The following ZNF14 variants were observed in gnomAD, a reference collection of about 807,000 sequenced individuals.
ZNF14 encodes the protein zinc finger protein 14, also known as gonadotropin inducible transcription repressor-4.
In ZNF14, 9 loss-of-function variants were observed where a neutral mutation model predicts 11.3. That is an observed-to-expected ratio of 0.80 (90% CI 0.48 to 1.39). The LOEUF (loss-of-function observed/expected upper bound fraction) is 1.39, where lower values mean the gene tolerates loss of function less well. Among genes scored for constraint, ZNF14 ranks in the 40% most tolerant of loss-of-function variants. ZNF14 has a pLI of 0.00. For synonymous variants in ZNF14, 239 were observed against 245.7 expected (o/e 0.97, Z 0.25); for missense variants, 711 against 763.9 (o/e 0.93, Z 0.82).
chr19:19,717,873 G>A (rs1039286800), intron 1 of ZNF14, among the ~76,000 whole-genome samples: 2 of 152,156 alleles, frequency 1.3e-5, no homozygotes, highest in Non-Finnish European at 1.5e-5. Flanking sequence ...ATATTGCACT[G>A]TTTCTTTCTG....
Position 19,713,091 on chromosome 19 carries a change from T to C in ZNF14, c.192-2A>G, listed in dbSNP as rs748978545. On this transcript the variant is annotated splice_acceptor_variant, in intron 3 of 3. Coordinates refer to ENST00000344099, the MANE Select transcript of ZNF14 (RefSeq NM_021030.3). LOFTEE classifies it high-confidence loss of function. ...CAGAGTCTCTCAACCATATGACATC[T>C]GTAAAAAATGAATAGCACATTATTA... is the stretch of plus-strand genomic sequence containing the variant. 3.2e-6 allele frequency: 5 copies of C among 1,558,844 alleles called. No individual in the cohort carries two copies. In the South Asian group the frequency reaches 3.6e-5, roughly 11 times the overall value.
At chr19:19,719,237 AC>A (rs2062385775) in intron 1 of ZNF14, among the ~76,000 whole-genome samples, 1 of 152,216 alleles carries the variant, frequency 6.6e-6, no homozygotes, top group Non-Finnish European at 1.5e-5. Context: ...TCACTAGCGT[AC>A]CTGCCTTGAA....
intron 3 of ZNF14, 147 bp downstream of exon 3, chr19:19,713,944 A>G (rs1160217200): frequency 3.5e-5 from 25 of 716,758 alleles, no homozygotes; most frequent in Non-Finnish European, 3.4e-5. Context: ...TATTTTTCAC[A>G]TCCTGAACAT....
intron 2 of ZNF14, 62 bp downstream of exon 2, chr19:19,714,299 A>C: frequency 6.2e-7 from 1 of 1,607,370 alleles, no homozygotes; most frequent in South Asian, 1.1e-5. Flanking sequence ...ACAGCTGTTG[A>C]GCAAGAAACA....
chr19:19,728,013 G>A (rs1393192681), intron 1 of ZNF14, among the ~76,000 whole-genome samples: 1 of 132,994 alleles, frequency 7.5e-6, no homozygotes, highest in South Asian at 2.5e-4. Context: ...CCACTCGGGA[G>A]GCTGAGGCAG....
In ZNF14 at chr19:19,733,107, C is replaced by T; in HGVS notation, c.-149G>A. The T allele has an allele frequency of 3.1e-6, 3 of 963,464 alleles. No homozygotes were observed. Among genetic ancestry groups the T allele is most frequent in the Non-Finnish European group, 4.7e-6 (3 of 644,776 alleles). The allele number at this position is 963,464 out of a possible 1,614,324, so 59.7% of individuals were successfully genotyped here. On this transcript the variant is annotated 5_prime_UTR_variant, in exon 1 of 4. Coordinates refer to ENST00000344099, the MANE Select transcript of ZNF14 (RefSeq NM_021030.3). ...CCCATGGGCCAGGAATGGCGACGTC[C>T]GCACTGCGCAGGCCCAGCGTGGCGC...
intron 1 of ZNF14, among the ~76,000 whole-genome samples, chr19:19,726,230 T>G (rs2062405868): frequency 7.4e-6 from 1 of 134,688 alleles, no homozygotes; most frequent in South Asian, 2.4e-4. Context: ...TATCTACCTC[T>G]GGTCTTTGAT....
At chr19:19,722,823 C>G (rs2062396668) in intron 1 of ZNF14, among the ~76,000 whole-genome samples, 1 of 152,044 alleles carries the variant, frequency 6.6e-6, no homozygotes. Flanking sequence ...AGTTGGATTC[C>G]TAGGTATTTT....
chr19:19,732,005 C>T (rs527867164), intron 1 of ZNF14, among the ~76,000 whole-genome samples: 2 of 152,178 alleles, frequency 1.3e-5, no homozygotes, highest in South Asian at 2.1e-4. Context: ...GCGGAGCTTG[C>T]AGTGAGCTGG....
At chr19:19,713,541 T>G (rs906888424) in intron 3 of ZNF14, among the ~76,000 whole-genome samples, 29 of 151,932 alleles carry the variant, frequency 1.9e-4, no homozygotes, top group African/African-American at 6.8e-4. Flanking sequence ...TTCTGCCTCC[T>G]GGGTTCCAGC....
Position 19,727,725 on chromosome 19 carries a change from C to T in ZNF14, c.3+5231G>A, listed in dbSNP as rs1377095753. On this transcript the variant is annotated intron_variant, in intron 1 of 3. Transcript: ENST00000344099. The stretch of plus-strand genomic sequence containing the variant: ...AATGCCTAAAGAGTTTCTACACACA[C>T]ATCCAATCAATGCATCTTTATAGAC... 2.2e-5 allele frequency among the ~76,000 whole-genome samples: 3 copies of T among 134,118 alleles called. 1 individual carries two copies. The highest frequency in any genetic ancestry group is 5.0e-5 in the Non-Finnish European group (3 of 60,362). 88.0% of individuals were successfully genotyped at this position (134,118 alleles called of 152,430 possible). A position where few individuals can be genotyped will look rare whatever the true frequency, so the allele number is the denominator to read the frequency against.
In ZNF14 at chr19:19,710,769, C is replaced by G. The variant is rs1246049504; in HGVS notation, c.*583G>C. On this transcript the variant is annotated 3_prime_UTR_variant, in exon 4 of 4. Transcript: ENST00000344099. Reference sequence around the variant, plus strand: ...CTAGAGGACAGTTGGAAGATTTTCCCACTTTTATTTTTTCTTGAGACAGTG... The same window carrying G: ...CTAGAGGACAGTTGGAAGATTTTCCGACTTTTATTTTTTCTTGAGACAGTG... The G allele has an allele frequency of 6.5e-6, 1 of 152,772 alleles. No individual in the cohort carries two copies. Among genetic ancestry groups the G allele is most frequent in the Non-Finnish European group, 1.5e-5 (1 of 68,246 alleles). 9.5% of individuals were successfully genotyped at this position (152,772 alleles called of 1,614,324 possible).
At chr19:19,715,169 G>A (rs1052739774) in intron 1 of ZNF14, among the ~76,000 whole-genome samples, 5 of 152,104 alleles carry the variant, frequency 3.3e-5, no homozygotes, top group Non-Finnish European at 7.4e-5. Context: ...ACCTTATTAC[G>A]TACCATATCA....
At chr19:19,717,163 G>T (rs937750952) in intron 1 of ZNF14, among the ~76,000 whole-genome samples, 2 of 152,114 alleles carry the variant, frequency 1.3e-5, no homozygotes, top group African/African-American at 4.8e-5. Context: ...GGCCACCCAT[G>T]CTTCTACACG....
chr19:19,715,350 G>A (rs921571734), intron 1 of ZNF14, among the ~76,000 whole-genome samples: 3 of 152,176 alleles, frequency 2.0e-5, no homozygotes, highest in African/African-American at 7.2e-5. Context: ...AAGGACTCCA[G>A]GCCACTACTG....
intron 2 of ZNF14, 66 bp downstream of exon 2, chr19:19,714,295 G>A: frequency 1.2e-6 from 2 of 1,606,152 alleles, no homozygotes; most frequent in South Asian, 1.1e-5. Context: ...GAACACAGCT[G>A]TTGAGCAAGA....
At position 19,711,640 on chromosome 19, in the gene ZNF14, T is replaced by A; in HGVS notation, c.1641A>T (p.Arg547=). 1 of 1,614,156 alleles carries A rather than the reference T, an allele frequency of 6.2e-7. No individual in the cohort carries two copies. Among genetic ancestry groups the A allele is most frequent in the Non-Finnish European group, 8.5e-7 (1 of 1,180,028 alleles). Residue 547 remains arginine, a synonymous_variant, in exon 4 of 4, where the codon CGA becomes CGT. Transcript: ENST00000344099. ...CTCCAGTGTGAGTCCTTTCATGCAA[T>A]CGAATTTGACTGGAACGAAGGAAGG... ...GKAFLRSSQI[R]LHERTHTGEK...
At position 19,711,186 on chromosome 19, in the gene ZNF14, A is replaced by T; in HGVS notation, c.*166T>A. 1 of 669,248 alleles carries T rather than the reference A, an allele frequency of 1.5e-6. No homozygotes were observed. The highest frequency in any genetic ancestry group is 2.3e-6 in the Non-Finnish European group (1 of 427,632). The allele number at this position is 669,248 out of a possible 1,614,324, so 41.5% of individuals were successfully genotyped here. On this transcript the variant is annotated 3_prime_UTR_variant, in exon 4 of 4. Transcript: ENST00000344099. ...AGGCTTAATCACAATGTTTACATTC[A>T]TACTGTTTCTCACCAGTGGGAATTC... is the stretch of plus-strand genomic sequence containing the variant.
In ZNF14 at chr19:19,711,353, T is replaced by TA. The variant is rs1262825465; in HGVS notation, c.1927dup (p.Ter643LeufsTer4). 1 of 1,540,734 alleles carries TA rather than the reference T, an allele frequency of 6.5e-7. No individual in the cohort carries two copies. The highest frequency in any genetic ancestry group is 1.4e-5 in the African/African-American group (1 of 72,136). Reference sequence around the variant, plus strand: ...GGCTTCAGAATGTTGCTTATATTCTTAGACTTTCTCTCCCATATGAGTCCT... The same window carrying TA: ...GGCTTCAGAATGTTGCTTATATTCTTAAGACTTTCTCTCCCATATGAGTCCT... On this transcript the variant is annotated frameshift_variant and stop_lost, in exon 4 of 4. Transcript: ENST00000344099. LOFTEE classifies it high-confidence loss of function.
Sources: allele counts gnomAD v4.1 joint callset (sites outside exome capture counted in the v4.1 genomes callset), GRCh38; gene constraint gnomAD v4.1.1; transcripts MANE v1.5; gene names NCBI Gene and HGNC (gene_info 2026-07-23, HGNC 2026-07-21).